The following ORC4 variants were observed in gnomAD, a reference collection of about 807,000 sequenced individuals.
The protein encoded by ORC4 is origin recognition complex, subunit 4 homolog.
Under a neutral mutation model 63.9 loss-of-function variants are expected in ORC4, and 55 were observed. The ratio of observed to expected loss-of-function variants is 0.86; its 90% CI spans 0.69 to 1.08. The LOEUF is 1.08. Ranked by LOEUF, ORC4 falls within the 50% of genes least tolerant of loss-of-function variation. The pLI is 0.00. For missense variants in ORC4, 511 were observed against 504.4 expected (o/e 1.01, Z -0.13); for synonymous variants, 150 against 168.5 (o/e 0.89, Z 0.85).
At chr2:147,976,297 T>G (rs190934248) in intron 1 of ORC4, among the ~76,000 whole-genome samples, 7 of 152,170 alleles carry the variant, frequency 4.6e-5, no homozygotes, top group Non-Finnish European at 8.8e-5. Context: ...CCCCATTTTG[T>G]GTCTGTCAGC....
intron 1 of ORC4, among the ~76,000 whole-genome samples, chr2:147,979,802 G>C (rs1400847760): frequency 6.6e-6 from 1 of 151,922 alleles, no homozygotes; most frequent in African/African-American, 2.4e-5. Context: ...TTCAACAAAA[G>C]TGCCAAGAAC....
chr2:147,973,810 T>C (rs1214277507), intron 2 of ORC4, among the ~76,000 whole-genome samples: 2 of 152,188 alleles, frequency 1.3e-5, no homozygotes, highest in Admixed American at 1.3e-4. Flanking sequence ...AGGGCCATTG[T>C]AATGCATGTG....
Position 147,958,286 on chromosome 2 carries a change from A to C in ORC4, c.387+12T>G, listed in dbSNP as rs1382036501. ...AAAGTCTATTTAATAAAATAACTGA[A>C]ATGATACTTACAAAAACTTTATCTC... On this transcript the variant is annotated intron_variant, in intron 6 of 13. Coordinates refer to ENST00000392857, the MANE Select transcript of ORC4 (RefSeq NM_181741.4). The C allele has an allele frequency of 6.6e-7, 1 of 1,520,142 alleles. No individual in the cohort carries two copies. Among genetic ancestry groups the C allele is most frequent in the Admixed American group, 1.7e-5 (1 of 59,800 alleles). The allele number at this position is 1,520,142 out of a possible 1,614,324, so 94.2% of individuals were successfully genotyped here.
intron 4 of ORC4, among the ~76,000 whole-genome samples, chr2:147,963,963 T>G (rs1689750795): frequency 1.3e-5 from 2 of 152,086 alleles, no homozygotes; most frequent in South Asian, 4.1e-4. Context: ...AATCAGTACT[T>G]CCTTACGAGA....
intron 1 of ORC4, among the ~76,000 whole-genome samples, chr2:147,992,614 T>C (rs981069813): frequency 2.0e-5 from 3 of 152,210 alleles, no homozygotes; most frequent in African/African-American, 7.2e-5. Context: ...TTGAGAAGAA[T>C]AATGAATAGA....
chr2:147,969,083 T>C (rs1690061556), intron 4 of ORC4, among the ~76,000 whole-genome samples: 1 of 151,764 alleles, frequency 6.6e-6, no homozygotes, highest in Non-Finnish European at 1.5e-5. Context: ...CCAAGAAAAG[T>C]AGGTCTTACA....
chr2:147,941,961 T>C (rs1573750300), intron 10 of ORC4, among the ~76,000 whole-genome samples: 1 of 152,124 alleles, frequency 6.6e-6, no homozygotes, highest in Non-Finnish European at 1.5e-5. Flanking sequence ...TATATAAACA[T>C]GGGTGAACCA....
intron 1 of ORC4, among the ~76,000 whole-genome samples, chr2:148,006,707 C>CAA (rs1266299384): frequency 6.6e-6 from 1 of 152,180 alleles, no homozygotes; most frequent in Non-Finnish European, 1.5e-5. Context: ...GGGATGGACT[C>CAA]AGTCTTGGCA....
chr2:147,949,063 G>GTATAA (rs1398691810), intron 8 of ORC4, among the ~76,000 whole-genome samples: 4 of 128,318 alleles, frequency 3.1e-5, no homozygotes, highest in Non-Finnish European at 6.9e-5. Flanking sequence ...ATACAGTATA[G>GTATAA]TATAATATAT....
At chr2:148,007,587 A>T (rs1692711990) in intron 1 of ORC4, among the ~76,000 whole-genome samples, 1 of 152,176 alleles carries the variant, frequency 6.6e-6, no homozygotes, top group South Asian at 2.1e-4. Flanking sequence ...TAGCCCCCAA[A>T]AGTCATAATC....
intron 1 of ORC4, among the ~76,000 whole-genome samples, chr2:147,989,052 T>C (rs1350890139): frequency 6.6e-6 from 1 of 152,198 alleles, no homozygotes. Flanking sequence ...AGGAAAGAAG[T>C]TGAGGCAAAA....
Position 147,935,578 on chromosome 2 carries a change from G to T in ORC4, c.1243C>A (p.Leu415Met), listed in dbSNP as rs1269904126. The T allele has an allele frequency of 6.2e-7, 1 of 1,613,742 alleles. No homozygotes were observed. Among genetic ancestry groups the T allele is most frequent in the Non-Finnish European group, 8.5e-7 (1 of 1,179,790 alleles). ...GTAGGACAGTTGGGATATTTCTGCA[G>T]AGCATTCATAATTTGAGTATTATCC... ...LLDNTQIMNALQKYPNCPTDV... is the reference protein window; with the variant it reads ...LLDNTQIMNAMQKYPNCPTDV... Residue 415 changes from leucine to methionine, a missense_variant, in exon 14 of 14, where the codon CTG becomes ATG. Transcript: ENST00000392857.
chr2:147,981,933 T>A (rs1398867561), intron 1 of ORC4: 1 of 152,188 alleles, frequency 6.6e-6, no homozygotes, highest in South Asian at 2.1e-4. Context: ...CAAACCATGG[T>A]AATGCTGTTT....
chr2:147,975,831 A>C (rs1690517730), intron 2 of ORC4, 71 bp downstream of exon 2: 2 of 917,710 alleles, frequency 2.2e-6, no homozygotes, highest in Admixed American at 1.7e-5. Flanking sequence ...ATTCAGGTTA[A>C]GAAGATAACT....
Position 147,931,316 on chromosome 2 carries a change from T to C in ORC4, c.*4194A>G, listed in dbSNP as rs1687720677. On this transcript the variant is annotated 3_prime_UTR_variant, in exon 14 of 14. Transcript: ENST00000392857. ...ATTGTGAATAATGCCACAATAAACA[T>C]ACGTGTGCATGTGTCTTTATAGCAG... 1 of 151,870 alleles carries C rather than the reference T, an allele frequency of 6.6e-6. No individual in the cohort carries two copies. Among genetic ancestry groups the C allele is most frequent in the African/African-American group, 2.4e-5 (1 of 41,334 alleles). 9.4% of individuals were successfully genotyped at this position (151,870 alleles called of 1,614,324 possible).
Position 147,952,462 on chromosome 2 carries a change from G to C in ORC4, c.499C>G (p.His167Asp), listed in dbSNP as rs1689010032. ...TTATAGAGAAGTGTTTGGTTTTTAT[G>C]ATGAGCAAAAAGATCAAATTCATCT... is the stretch of plus-strand genomic sequence containing the variant. ...ILDEFDLFAH[H>D]KNQTLLYNLF... The change falls in exon 8 of 14, where the codon CAT becomes GAT. Residue 167 changes from histidine to aspartate, a missense_variant. Transcript: ENST00000392857. The C allele has an allele frequency of 6.2e-7, 1 of 1,609,198 alleles. No homozygotes were observed. Among genetic ancestry groups the C allele is most frequent in the South Asian group, 1.1e-5 (1 of 90,974 alleles).
At chr2:148,015,736 G>A (rs562605698) in intron 1 of ORC4, among the ~76,000 whole-genome samples, 67 of 151,920 alleles carry the variant, frequency 4.4e-4, no homozygotes, top group African/African-American at 1.5e-3. Context: ...CTATGGAAAT[G>A]ATGCTAGACA....
At chr2:147,985,951 T>C (rs1001950156) in intron 1 of ORC4, among the ~76,000 whole-genome samples, 5 of 152,144 alleles carry the variant, frequency 3.3e-5, no homozygotes, top group Admixed American at 2.6e-4. Flanking sequence ...AGAAAGTTCA[T>C]CAAAATCATC....
chr2:147,970,967 C>T (rs935570437), intron 4 of ORC4, among the ~76,000 whole-genome samples: 5 of 151,204 alleles, frequency 3.3e-5, no homozygotes, highest in Admixed American at 6.6e-5. Context: ...CTCGTCTCTA[C>T]ACAAAATTAA....
Sources: gnomAD v4.1 joint callset for allele counts (sites outside exome capture counted in the v4.1 genomes callset) on GRCh38, gnomAD v4.1.1 for gene constraint, MANE v1.5 for transcripts, NCBI Gene and HGNC (gene_info 2026-07-23, HGNC 2026-07-21) for gene names.